The following PROM1 variants were observed in gnomAD, a reference collection of about 807,000 sequenced individuals.
PROM1 encodes prominin-1.
In PROM1, 105 loss-of-function variants were observed where a neutral mutation model predicts 116.9. The ratio of observed to expected loss-of-function variants is 0.90; its 90% confidence interval spans 0.77 to 1.06. PROM1 has a LOEUF of 1.06. PROM1 is among the 50% of genes least tolerant of loss of function. PROM1 has a pLI of 0.00. For missense variants in PROM1, 1,122 were observed against 1,045.2 expected (o/e 1.07, Z -1.01); for synonymous variants, 393 against 387.0 (o/e 1.02, Z -0.18).
chr4:15,987,584 CA>C, intron 20 of PROM1, 78 bp downstream of exon 20: 1 of 1,430,096 alleles, frequency 7.0e-7, no homozygotes, highest in South Asian at 1.2e-5. Context: ...AAAGTACCTA[CA>C]AAAATCCACA....
chr4:16,013,482 T>C lies in PROM1; in HGVS notation c.1078-144A>G, dbSNP rs968880463. 125 of 596,348 alleles carry C rather than the reference T, an allele frequency of 2.1e-4. 2 individuals carry two copies. In the Admixed American group the frequency reaches 3.5e-3, roughly 16 times the overall value. The allele number at this position is 596,348 out of a possible 1,614,324, so 36.9% of individuals were successfully genotyped here. On this transcript the variant is annotated intron_variant, in intron 10 of 27. Transcript: ENST00000447510. ...TAAGGGTGAAATGATCATTATATGG[T>C]CATCAAGAGTCTAAAAAAATCCCCT...
At chr4:16,004,573 C>A (rs1382497782) in intron 13 of PROM1, among the ~76,000 whole-genome samples, 2 of 152,088 alleles carry the variant, frequency 1.3e-5, no homozygotes, top group African/African-American at 4.8e-5. Context: ...AAAACACTAA[C>A]AAACAACCAA....
At chr4:16,032,060 G>C (rs1350798542) in intron 5 of PROM1, among the ~76,000 whole-genome samples, 1 of 151,988 alleles carries the variant, frequency 6.6e-6, no homozygotes, top group Non-Finnish European at 1.5e-5. Flanking sequence ...CCTTTCCAGA[G>C]GCAACCACTG....
chr4:16,076,668 A>G, intron 1 of PROM1: 1 of 153,738 alleles, frequency 6.5e-6, no homozygotes, highest in Non-Finnish European at 1.4e-5. Context: ...TGTGGGGAAA[A>G]GAAAGAGAGA....
intron 2 of PROM1, among the ~76,000 whole-genome samples, chr4:16,045,646 T>C (rs192841801): frequency 6.6e-6 from 1 of 152,184 alleles, no homozygotes; most frequent in Non-Finnish European, 1.5e-5. Context: ...AACAAAACTT[T>C]TTTTTCAGCA....
chr4:16,050,581 T>C (rs929972999), intron 2 of PROM1, among the ~76,000 whole-genome samples: 3 of 152,188 alleles, frequency 2.0e-5, no homozygotes, highest in Non-Finnish European at 2.9e-5. Flanking sequence ...CTCGAACTCC[T>C]GGGCTCAAGT....
intron 13 of PROM1, chr4:16,003,258 G>A (rs1415272424): frequency 4.4e-6 from 2 of 456,408 alleles, no homozygotes; most frequent in East Asian, 1.4e-4. Flanking sequence ...TGGACATGTA[G>A]GCTGTTTCCA....
intron 7 of PROM1, 123 bp from the exon 8 acceptor site, chr4:16,023,538 T>G: frequency 4.3e-6 from 3 of 695,840 alleles, no homozygotes; most frequent in Non-Finnish European, 7.2e-6. Context: ...TCCTGGACCC[T>G]GTCTAGGGGT....
Position 15,979,893 on chromosome 4 carries a change from A to ATAGT in PROM1, c.2497_2500dup (p.Ile834AsnfsTer11). The ATAGT allele has an allele frequency of 6.9e-7, 1 of 1,451,398 alleles. No homozygotes were observed. Among genetic ancestry groups the ATAGT allele is most frequent in the South Asian group, 1.3e-5 (1 of 77,898 alleles). 89.9% of individuals were successfully genotyped at this position (1,451,398 alleles called of 1,614,324 possible). On this transcript the variant is annotated frameshift_variant, in exon 25 of 28. Transcript: ENST00000447510. LOFTEE classifies it high-confidence loss of function. The stretch of plus-strand genomic sequence containing the variant: ...TAAAAAGGCTTACTTTTTCATGGGT[A>ATAGT]TAGTTTCAACACTATAAAATACAAA...
At chr4:16,072,132 C>G (rs142464009) in intron 2 of PROM1, among the ~76,000 whole-genome samples, 4 of 152,254 alleles carry the variant, frequency 2.6e-5, no homozygotes, top group African/African-American at 7.2e-5. Flanking sequence ...CTAATTTAAA[C>G]TAATCTCTTC....
intron 11 of PROM1, among the ~76,000 whole-genome samples, chr4:16,013,003 G>T (rs375285951): frequency 6.6e-6 from 1 of 151,986 alleles, no homozygotes; most frequent in South Asian, 2.1e-4. Flanking sequence ...ATCTGAAGGC[G>T]CACACTCTGG....
chr4:15,991,247 T>C lies in PROM1; in HGVS notation c.1958A>G (p.Asp653Gly). The part of the protein sequence containing the change: ...AGVNLLSFAY[D>G]LEAKANSLPP... ...CAAACTGTTTGCTTTTGCTTCTAGA[T>C]CATATGCAAATGATAAAAGATTCAC... is the stretch of plus-strand genomic sequence containing the variant. Residue 653 changes from aspartate to glycine, a missense_variant, in exon 18 of 28, where the codon GAT (aspartate) becomes GGT (glycine). Coordinates refer to ENST00000447510, the MANE Select transcript of PROM1 (RefSeq NM_006017.3). 1 of 1,608,308 alleles carries C rather than the reference T, an allele frequency of 6.2e-7. No individual in the cohort carries two copies. The highest frequency in any genetic ancestry group is 1.1e-5 in the South Asian group (1 of 89,606).
At chr4:16,008,915 T>G (rs1726177632) in intron 12 of PROM1, 34 bp downstream of exon 12, 1 of 1,525,802 alleles carries the variant, frequency 6.6e-7, no homozygotes, top group African/African-American at 1.4e-5. Context: ...CAAAGTTCAC[T>G]CTCGTAGTTC....
At chr4:16,022,137 A>C (rs1730068475) in intron 8 of PROM1, among the ~76,000 whole-genome samples, 2 of 150,116 alleles carry the variant, frequency 1.3e-5, no homozygotes, top group South Asian at 2.2e-4. Context: ...GAAGGAGGGA[A>C]AGAAAGAAAG....
chr4:15,983,638 G>T (rs1718539660), intron 23 of PROM1, among the ~76,000 whole-genome samples: 1 of 152,182 alleles, frequency 6.6e-6, no homozygotes. Context: ...AGATGAGTAT[G>T]TCTGGAGCAC....
intron 2 of PROM1, among the ~76,000 whole-genome samples, chr4:16,055,995 G>A (rs1422126968): frequency 6.6e-6 from 1 of 152,180 alleles, no homozygotes; most frequent in African/African-American, 2.4e-5. Flanking sequence ...TATTCTCCAT[G>A]AAGAGTAAGG....
intron 1 of PROM1, 180 bp downstream of exon 1, chr4:16,083,798 C>T (rs1217883308): frequency 6.6e-6 from 1 of 152,176 alleles, no homozygotes; most frequent in Non-Finnish European, 1.5e-5. Flanking sequence ...TTCGGAGAGC[C>T]CGCCTCCCAC....
intron 27 of PROM1, among the ~76,000 whole-genome samples, chr4:15,970,811 TA>T (rs5856325): frequency 0.86 from 130,125 of 152,004 alleles, 56,349 homozygotes; most frequent in East Asian, 1. Context: ...TACTGTTATT[TA>T]AAAAAAAATT....
intron 5 of PROM1, among the ~76,000 whole-genome samples, chr4:16,027,718 C>G (rs1035176672): frequency 2.0e-5 from 3 of 152,154 alleles, no homozygotes; most frequent in Admixed American, 2.0e-4. Context: ...GAAACTACTT[C>G]TTTGTTAACT....
Sources: allele counts gnomAD v4.1 joint callset (sites outside exome capture counted in the v4.1 genomes callset), GRCh38; gene constraint gnomAD v4.1.1; transcripts MANE v1.5; gene names NCBI Gene and HGNC (gene_info 2026-07-23, HGNC 2026-07-21).